The following HDAC9 variants were observed in gnomAD, a reference collection of about 807,000 sequenced individuals.
The protein encoded by HDAC9 is histone deacetylase 9.
A neutral mutation model predicts 139.4 loss-of-function variants in HDAC9; 41 were observed. The ratio of observed to expected loss-of-function variants is 0.29; its 90% CI spans 0.23 to 0.38. HDAC9 has a LOEUF of 0.38. HDAC9 is among the 10% of genes least tolerant of loss of function. The pLI is 1.00. For missense variants in HDAC9, 1,147 were observed against 1,297.0 expected (o/e 0.88, Z 1.78); for synonymous variants, 517 against 476.2 (o/e 1.09, Z -1.12).
rs142942006 is a variant in HDAC9 at position 18,761,787 on chromosome 7, C to G, written c.2044-370C>G. ...AATAAAGAGTGTGTTCTAACAACTT[C>G]TTTGGGTAAGTGTAAAATAAGATTG... On this transcript the variant is annotated intron_variant, in intron 14 of 25. Coordinates refer to ENST00000686413, the MANE Select transcript of HDAC9 (RefSeq NM_178425.4). Among the ~76,000 whole-genome samples, 50 of 152,260 alleles carry G rather than the reference C, an allele frequency of 3.3e-4. No individual in the cohort carries two copies. The East Asian group carries it at 6.6e-3, about 20-fold the overall frequency.
At chr7:18,124,067 C>T (rs566693827) in intron 1 of HDAC9, among the ~76,000 whole-genome samples, 72 of 152,264 alleles carry the variant, frequency 4.7e-4, no homozygotes, top group African/African-American at 1.6e-3. Flanking sequence ...TGACTCACAG[C>T]CTGCCCCAAA....
At chr7:18,136,737 T>C (rs1785450068) in intron 1 of HDAC9, among the ~76,000 whole-genome samples, 1 of 151,438 alleles carries the variant, frequency 6.6e-6, no homozygotes, top group Admixed American at 6.6e-5. Flanking sequence ...TCAGGTAGCG[T>C]GATGCCTCCA....
chr7:18,976,461 G>C (rs1255173309), intron 25 of HDAC9, among the ~76,000 whole-genome samples: 1 of 152,208 alleles, frequency 6.6e-6, no homozygotes, highest in Non-Finnish European at 1.5e-5. Context: ...GATAAAGGGG[G>C]AAGTTGCCTG....
At chr7:18,987,102 A>G (rs1247251480) in intron 25 of HDAC9, among the ~76,000 whole-genome samples, 4 of 152,128 alleles carry the variant, frequency 2.6e-5, no homozygotes, top group Admixed American at 2.6e-4. Context: ...TTCCAACACT[A>G]TGTTGAAGAG....
At chr7:18,579,987 G>A (rs571113805) in intron 2 of HDAC9, among the ~76,000 whole-genome samples, 2 of 152,262 alleles carry the variant, frequency 1.3e-5, no homozygotes, top group African/African-American at 2.4e-5. Context: ...AAGTAGCAAC[G>A]AAAGAGTCCG....
intron 1 of HDAC9, among the ~76,000 whole-genome samples, chr7:18,485,911 G>A (rs1046668394): frequency 4.6e-5 from 7 of 152,084 alleles, no homozygotes; most frequent in Non-Finnish European, 8.8e-5. Flanking sequence ...AAATGTTATT[G>A]TCTTAGTCTG....
At chr7:18,733,052 CAT>C (rs1491317825) in intron 13 of HDAC9, among the ~76,000 whole-genome samples, 2 of 141,846 alleles carry the variant, frequency 1.4e-5, no homozygotes, top group African/African-American at 5.2e-5. Context: ...TACATATATA[CAT>C]GTGTATATAC....
intron 8 of HDAC9, among the ~76,000 whole-genome samples, chr7:18,644,174 T>C (rs561199147): frequency 6.6e-6 from 1 of 152,220 alleles, no homozygotes; most frequent in South Asian, 2.1e-4. Flanking sequence ...TGTTTATAAG[T>C]AAAAAAGATG....
chr7:18,197,773 A>T (rs1290649384), intron 2 of HDAC9, among the ~76,000 whole-genome samples: 2 of 152,168 alleles, frequency 1.3e-5, no homozygotes, highest in Non-Finnish European at 2.9e-5. Context: ...TAAGTGTTGT[A>T]CTTCAGATAT....
At chr7:18,518,766 A>G (rs1266049529) in intron 2 of HDAC9, among the ~76,000 whole-genome samples, 1 of 152,230 alleles carries the variant, frequency 6.6e-6, no homozygotes, top group African/African-American at 2.4e-5. Context: ...TGGCTCCTCC[A>G]TGTCATAGAT....
intron 1 of HDAC9, among the ~76,000 whole-genome samples, chr7:18,373,704 T>A (rs1784762427): frequency 6.6e-6 from 1 of 152,168 alleles, no homozygotes; most frequent in South Asian, 2.1e-4. Context: ...GAAGGAAACA[T>A]GACAAAACTT....
chr7:18,116,108 G>A (rs1218310313), intron 1 of HDAC9, among the ~76,000 whole-genome samples: 1 of 152,128 alleles, frequency 6.6e-6, no homozygotes, highest in African/African-American at 2.4e-5. Context: ...TCCTGTGTTA[G>A]ATCAAATTTG....
intron 16 of HDAC9, among the ~76,000 whole-genome samples, chr7:18,787,233 G>C (rs1004508602): frequency 6.6e-6 from 1 of 151,902 alleles, no homozygotes; most frequent in Non-Finnish European, 1.5e-5. Context: ...CTTTCTTATG[G>C]GCCAAGCTCC....
intron 22 of HDAC9, among the ~76,000 whole-genome samples, chr7:18,935,571 T>C (rs1781573598): frequency 6.6e-6 from 1 of 152,158 alleles, no homozygotes; most frequent in Non-Finnish European, 1.5e-5. Flanking sequence ...AGAGCTAGAT[T>C]GGTGCCAGTC....
At chr7:18,231,001 A>T (rs1793422519) in intron 2 of HDAC9, among the ~76,000 whole-genome samples, 1 of 152,210 alleles carries the variant, frequency 6.6e-6, no homozygotes, top group Non-Finnish European at 1.5e-5. Context: ...ACTAAGGTTA[A>T]TGGAGGTGAA....
At chr7:18,714,589 G>T (rs1191220325) in intron 12 of HDAC9, among the ~76,000 whole-genome samples, 1 of 152,220 alleles carries the variant, frequency 6.6e-6, no homozygotes, top group East Asian at 1.9e-4. Context: ...TGTCACGAGA[G>T]TGACTTTCCA....
At chr7:18,097,915 G>A (rs1276669536) in intron 1 of HDAC9, among the ~76,000 whole-genome samples, 1 of 152,074 alleles carries the variant, frequency 6.6e-6, no homozygotes, top group East Asian at 1.9e-4. Context: ...TGGTGTTTAT[G>A]CTTTGCCAGC....
At chr7:18,297,184 G>A (rs760946503) in intron 1 of HDAC9, among the ~76,000 whole-genome samples, 1 of 152,142 alleles carries the variant, frequency 6.6e-6, no homozygotes, top group Non-Finnish European at 1.5e-5. Context: ...ATAGCTAATG[G>A]TGGTATTTAA....
chr7:18,606,005 C>G (rs2704284), intron 6 of HDAC9, among the ~76,000 whole-genome samples: 65,006 of 152,000 alleles, frequency 0.43, 14,627 homozygotes, highest in South Asian at 0.57. Context: ...AACTCTCAAG[C>G]TGGTTCACAT....
Sources: gnomAD v4.1 joint callset for allele counts (sites outside exome capture counted in the v4.1 genomes callset) on GRCh38, gnomAD v4.1.1 for gene constraint, MANE v1.5 for transcripts, NCBI Gene and HGNC (gene_info 2026-07-23, HGNC 2026-07-21) for gene names.